UBE4A: variants seen among roughly 807,000 people sequenced by gnomAD.
UBE4A encodes the protein ubiquitin conjugation factor E4 A.
In UBE4A, 48 loss-of-function variants were observed where a neutral mutation model predicts 117.9. The observed-to-expected ratio is 0.41, with a 90% CI of 0.32 to 0.52. UBE4A has a LOEUF of 0.52. Among genes scored for constraint, UBE4A ranks in the 20% least tolerant of loss-of-function variants. The pLI, the probability that UBE4A is intolerant of heterozygous loss-of-function variation, is 0.33. For synonymous variants in UBE4A, 407 were observed against 450.0 expected (o/e 0.90, Z 1.21); for missense variants, 1,067 against 1,296.3 (o/e 0.82, Z 2.72).
At chr11:118,387,558 C>T (rs1344234808) in intron 16 of UBE4A, among the ~76,000 whole-genome samples, 6 of 151,988 alleles carry the variant, frequency 3.9e-5, no homozygotes, top group Non-Finnish European at 8.8e-5. Flanking sequence ...ATCAAAGATA[C>T]CAAAAAATCC....
intron 15 of UBE4A, among the ~76,000 whole-genome samples, chr11:118,385,864 G>A (rs548462629): frequency 1.3e-5 from 2 of 152,314 alleles, no homozygotes; most frequent in South Asian, 4.1e-4. Flanking sequence ...GTTACAAACA[G>A]GCCCTTTTAA....
chr11:118,384,829 C>A lies in UBE4A; in HGVS notation c.2299-3C>A. On this transcript the variant is annotated splice_region_variant and splice_polypyrimidine_tract_variant and intron_variant, in intron 14 of 19. Coordinates refer to ENST00000252108, the MANE Select transcript of UBE4A (RefSeq NM_001204077.2). The stretch of plus-strand genomic sequence containing the variant: ...TGGTTTTCTTGTGGGCTGGGACTTA[C>A]AGGATTTGGCTGACTATGCCTCTAA... The A allele has an allele frequency of 6.2e-7, 1 of 1,613,126 alleles. No homozygotes were observed. The highest frequency in any genetic ancestry group is 8.5e-7 in the Non-Finnish European group (1 of 1,179,644).
chr11:118,392,624 G>T, intron 18 of UBE4A, 114 bp from the exon 19 acceptor site: 2 of 988,358 alleles, frequency 2.0e-6, no homozygotes, highest in Non-Finnish European at 3.0e-6. Flanking sequence ...CACTGTCAAG[G>T]GTTATTAATG....
rs782659813 is a variant in UBE4A, at chr11:118,376,653, C to T, written c.1530C>T (p.Asn510=). 2.5e-6 allele frequency: 4 copies of T among 1,613,930 alleles called. No homozygotes were observed. The highest frequency in any genetic ancestry group is 3.4e-6 in the Non-Finnish European group (4 of 1,179,976). ...AGAACTACAACCTTGTAACAGAGAA[C>T]CTTGCTCTGACAGAGTACACCTTGT... is the stretch of plus-strand genomic sequence containing the variant. ...FPQNYNLVTE[N]LALTEYTLYL... is the part of the protein sequence containing the mutation. The change falls in exon 10 of 20, where the codon AAC becomes AAT. Residue 510 remains asparagine (N), a synonymous_variant. Transcript: ENST00000252108.
Position 118,365,196 on chromosome 11 carries a change from A to T in UBE4A, c.116A>T (p.Gln39Leu), listed in dbSNP as rs1451262052. ...AAIQKEQLKQ[Q>L]SDELPASPDD... ...ATCCAAAAAGAGCAGCTGAAGCAACAATCTGGTAAGTGGAGGAGCCAATAG... is the reference window on the plus strand; with the variant it reads ...ATCCAAAAAGAGCAGCTGAAGCAACTATCTGGTAAGTGGAGGAGCCAATAG... Residue 39 changes from glutamine (Q) to leucine (L), a missense_variant, in exon 2 of 20, where the codon CAA (glutamine) becomes CTA (leucine). Gln to Leu is a moderately radical substitution (Grantham distance 113). Transcript: ENST00000252108. The T allele has an allele frequency of 1.2e-6, 2 of 1,608,090 alleles. No individual in the cohort carries two copies. Among genetic ancestry groups the T allele is most frequent in the Non-Finnish European group, 1.7e-6 (2 of 1,177,390 alleles).
intron 13 of UBE4A, 28 bp from the exon 14 acceptor site, chr11:118,384,607 C>A: frequency 2.5e-6 from 4 of 1,597,068 alleles, no homozygotes; most frequent in Non-Finnish European, 3.4e-6. Flanking sequence ...ACCGCCTTTG[C>A]TGATATTTCG....
In UBE4A at chr11:118,373,572, A is replaced by T. The variant is rs773165757; in HGVS notation, c.1003A>T (p.Ser335Cys). The stretch of plus-strand genomic sequence containing the variant: ...GAAGACCTTGCTGGGAGTAATTCTG[A>T]GTATCTCCTGCTTATTAAAGACTCC... Reference protein sequence around the residue: ...YQKTLLGVILSISCLLKTPGV... With the variant: ...YQKTLLGVILCISCLLKTPGV... The change falls in exon 8 of 20, where the codon AGT (serine) becomes TGT (cysteine). Residue 335 changes from serine to cysteine, a missense_variant. By Grantham distance (112) the Ser-to-Cys change is moderately radical. Around this residue, in one of 3 missense-constraint regions of UBE4A, gnomAD observed 1,001 missense variants for 1,184.0 expected, o/e 0.85. Coordinates refer to ENST00000252108, the MANE Select transcript of UBE4A (RefSeq NM_001204077.2). The T allele has an allele frequency of 6.8e-6, 11 of 1,614,106 alleles. No individual in the cohort carries two copies. The Admixed American group carries it at 1.7e-4, about 24-fold the overall frequency.
In UBE4A at chr11:118,386,511, G is replaced by A. The variant is rs1460146405; in HGVS notation, c.2486G>A (p.Arg829His). Residue 829 changes from arginine (R) to histidine (H), a missense_variant, in exon 16 of 20, where the codon CGC becomes CAC. Arg to His is a conservative substitution (Grantham distance 29). This residue lies in a region of UBE4A where 1,001 missense variants were observed against 1,184.0 expected (regional missense o/e 0.85). Coordinates refer to ENST00000252108, the MANE Select transcript of UBE4A (RefSeq NM_001204077.2). Reference protein sequence around the residue: ...GEWDSLTPEARREKEAGLQMF... With the variant: ...GEWDSLTPEAHREKEAGLQMF... ...TGGGATAGTCTGACTCCAGAAGCCC[G>A]CCGAGAAAAGGAGGCTGGCCTACAG... 8 of 1,608,166 alleles carry A rather than the reference G, an allele frequency of 5.0e-6. No individual in the cohort carries two copies. The highest frequency in any genetic ancestry group is 4.0e-5 in the African/African-American group (3 of 74,246).
chr11:118,382,880 T>G (rs1948718320), intron 13 of UBE4A, 104 bp downstream of exon 13: 2 of 1,123,372 alleles, frequency 1.8e-6, no homozygotes, highest in East Asian at 5.6e-5. Flanking sequence ...AGCCATTACT[T>G]ATTGAATACC....
In UBE4A at chr11:118,365,183, C is replaced by T; in HGVS notation, c.103C>T (p.Gln35Ter). ...ACAGTTTGCGGCAATCCAAAAAGAGCAGCTGAAGCAACAATCTGGTAAGTG... is the reference window on the plus strand; with the variant it reads ...ACAGTTTGCGGCAATCCAAAAAGAGTAGCTGAAGCAACAATCTGGTAAGTG... ...AKQFAAIQKE[Q>*]LKQQSDELPA... is the part of the protein sequence containing the mutation. The change falls in exon 2 of 20, where the codon CAG (glutamine) becomes TAG (stop). Residue 35 changes from glutamine to a stop codon, truncating the protein, a stop_gained. Coordinates refer to ENST00000252108, the MANE Select transcript of UBE4A (RefSeq NM_001204077.2). LOFTEE classifies it high-confidence loss of function. 6.2e-7 allele frequency: 1 copy of T among 1,609,492 alleles called. No homozygotes were observed. Among genetic ancestry groups the T allele is most frequent in the East Asian group, 2.2e-5 (1 of 44,510 alleles).
At chr11:118,392,450 T>C (rs1948828158) in intron 18 of UBE4A, among the ~76,000 whole-genome samples, 1 of 152,238 alleles carries the variant, frequency 6.6e-6, no homozygotes, top group Non-Finnish European at 1.5e-5. Context: ...AGATGGATGT[T>C]ATATCTGATG....
chr11:118,376,707 ATGTCATTAGG>A lies in UBE4A; in HGVS notation c.1571+14_1571+23del. ...TGGGATTTCACAGGTAACTCCTCTGATGTCATTAGGAAAAAACAGTTTAGTTGTGTTGATA... is the reference window on the plus strand; with the variant it reads ...TGGGATTTCACAGGTAACTCCTCTGAAAAAAACAGTTTAGTTGTGTTGATA... On this transcript the variant is annotated intron_variant, in intron 10 of 19. Transcript: ENST00000252108. 1 of 1,611,948 alleles carries A rather than the reference ATGTCATTAGG, an allele frequency of 6.2e-7. No individual in the cohort carries two copies. The highest frequency in any genetic ancestry group is 1.7e-4 in the Middle Eastern group (1 of 6,036).
At position 118,397,816 on chromosome 11, in the gene UBE4A, A is replaced by C. The variant is rs1948888981; in HGVS notation, c.*1376A>C. 6.6e-6 allele frequency: 1 copy of C among 152,230 alleles called. No homozygotes were observed. The highest frequency in any genetic ancestry group is 6.5e-5 in the Admixed American group (1 of 15,280). 9.4% of individuals were successfully genotyped at this position (152,230 alleles called of 1,614,324 possible). On this transcript the variant is annotated 3_prime_UTR_variant, in exon 20 of 20. Transcript: ENST00000252108. The stretch of plus-strand genomic sequence containing the variant: ...AATAGTAGTTTTATATTTCAACACA[A>C]GTTGCTATAAGCAGTCCTTGATGGG...
rs1555126558 is a variant in UBE4A, at chr11:118,382,751, G to T, written c.2172G>T (p.Lys724Asn). 1.0e-5 allele frequency: 16 copies of T among 1,591,044 alleles called. No individual in the cohort carries two copies. Among genetic ancestry groups the T allele is most frequent in the Non-Finnish European group, 1.4e-5 (16 of 1,164,604 alleles). ...YAPQLAEALI[K>N]VFVDIEFTGD... ...CCCAACTTGCAGAGGCTCTAATCAA[G>T]GTTTTTGTGGACATCGAATTTACAG... is the stretch of plus-strand genomic sequence containing the variant. The change falls in exon 13 of 20, where the codon AAG (lysine) becomes AAT (asparagine). Residue 724 changes from lysine to asparagine, a missense_variant. By Grantham distance (94) the Lys-to-Asn change is moderately conservative. Transcript: ENST00000252108.
intron 17 of UBE4A, among the ~76,000 whole-genome samples, chr11:118,390,299 CT>C (rs1948799779): frequency 6.6e-6 from 1 of 150,638 alleles, no homozygotes; most frequent in South Asian, 2.1e-4. Flanking sequence ...AAGTAGCATT[CT>C]TTTAAGGTCA....
intron 11 of UBE4A, 95 bp downstream of exon 11, chr11:118,379,845 G>C: frequency 7.3e-7 from 1 of 1,372,726 alleles, no homozygotes; most frequent in South Asian, 1.5e-5. Flanking sequence ...CCCTTTCTTC[G>C]TTATCATTCA....
chr11:118,382,866 G>A (rs1173118889), intron 13 of UBE4A, 90 bp downstream of exon 13: 1 of 1,240,592 alleles, frequency 8.1e-7, no homozygotes, highest in East Asian at 2.8e-5. Flanking sequence ...TCAAAGAAAT[G>A]TCAAGCCATT....
Position 118,368,809 on chromosome 11 carries a change from G to A in UBE4A, c.295+5G>A. On this transcript the variant is annotated splice_donor_5th_base_variant and intron_variant, in intron 3 of 19. Coordinates refer to ENST00000252108, the MANE Select transcript of UBE4A (RefSeq NM_001204077.2). The stretch of plus-strand genomic sequence containing the variant: ...TCCTTATTACTCTGGACAACAGTGA[G>A]TTACAAACTTATAGCATTATTCTAC... 1 of 1,613,982 alleles carries A rather than the reference G, an allele frequency of 6.2e-7. No individual in the cohort carries two copies. The highest frequency in any genetic ancestry group is 8.5e-7 in the Non-Finnish European group (1 of 1,179,908).
At chr11:118,381,081 A>G (rs1203134065) in intron 11 of UBE4A, among the ~76,000 whole-genome samples, 2 of 152,244 alleles carry the variant, frequency 1.3e-5, no homozygotes, top group Admixed American at 6.5e-5. Context: ...AATCTTTATT[A>G]GAGAGTCCTC....
Sources: gnomAD v4.1 joint callset for allele counts (sites outside exome capture counted in the v4.1 genomes callset) on GRCh38, gnomAD v4.1.1 for gene constraint, gnomAD v4.1.1 regional missense constraint, MANE v1.5 for transcripts, NCBI Gene and HGNC (gene_info 2026-07-23, HGNC 2026-07-21) for gene names.